The following ARHGEF28 variants were observed in gnomAD, a reference collection of about 807,000 sequenced individuals.
ARHGEF28 encodes 190 kDa guanine nucleotide exchange factor.
In ARHGEF28, 152 loss-of-function variants were observed where a neutral mutation model predicts 206.6. The ratio of observed to expected loss-of-function variants is 0.74; its 90% CI spans 0.64 to 0.84. ARHGEF28 has a LOEUF of 0.84. Ranked by LOEUF, ARHGEF28 falls within the 40% of genes least tolerant of loss-of-function variation. The pLI is 0.00. For missense variants in ARHGEF28, 2,028 were observed against 2,073.2 expected (o/e 0.98, Z 0.42); for synonymous variants, 763 against 776.4 (o/e 0.98, Z 0.29).
rs759526611 is a variant in ARHGEF28, at chr5:73,909,927, G to T, written c.4647+30G>T. The stretch of plus-strand genomic sequence containing the variant: ...GGACCTTCTGCGGTGCTGTGAGGCA[G>T]CCTCTCAAAGACAGGGGTGGGCCTG... On this transcript the variant is annotated intron_variant, in intron 34 of 35. Transcript: ENST00000513042. 9 of 1,481,200 alleles carry T rather than the reference G, an allele frequency of 6.1e-6. No individual in the cohort carries two copies. In the South Asian group the frequency reaches 1.3e-4, roughly 21 times the overall value. 91.8% of individuals were successfully genotyped at this position (1,481,200 alleles called of 1,614,324 possible). A position where few individuals can be genotyped will look rare whatever the true frequency, so the allele number is the denominator to read the frequency against.
intron 11 of ARHGEF28, 95 bp downstream of exon 11, chr5:73,840,855 A>G (rs1757947246): frequency 7.6e-7 from 1 of 1,324,254 alleles, no homozygotes; most frequent in East Asian, 2.5e-5. Context: ...TATTGTCTCT[A>G]CCACTTTTAT....
chr5:73,729,877 G>T (rs140424751), intron 2 of ARHGEF28, among the ~76,000 whole-genome samples: 276 of 152,298 alleles, frequency 1.8e-3, no homozygotes, highest in African/African-American at 6.5e-3. Flanking sequence ...CTTGAAATAA[G>T]AGCAAGGAGT....
At chr5:73,736,133 G>T (rs557254640) in intron 2 of ARHGEF28, among the ~76,000 whole-genome samples, 52 of 152,332 alleles carry the variant, frequency 3.4e-4, no homozygotes, top group African/African-American at 1.2e-3. Context: ...TCTAAAAGAG[G>T]TCATAATATT....
rs376781062 is a variant in ARHGEF28 at position 73,679,716 on chromosome 5, C to CT, written c.-11-5119dup. ...TCAAAAAAAGAAAAAGAAAGTATTA[C>CT]TTTTTTCTTGAAGGAACAGGCTAAT... On this transcript the variant is annotated intron_variant, in intron 1 of 35. Coordinates refer to ENST00000513042, the MANE Select transcript of ARHGEF28 (RefSeq NM_001177693.2). Among the ~76,000 whole-genome samples the CT allele has an allele frequency of 7.3e-4, 111 of 151,490 alleles. 1 individual carries two copies. The highest frequency in any genetic ancestry group is 2.4e-3 in the African/African-American group (97 of 41,260).
chr5:73,867,460 C>A (rs567084862), intron 18 of ARHGEF28, among the ~76,000 whole-genome samples: 1 of 152,186 alleles, frequency 6.6e-6, no homozygotes. Context: ...ATTCCATTGA[C>A]GTGTTCTCTG....
intron 2 of ARHGEF28, among the ~76,000 whole-genome samples, chr5:73,700,436 G>A (rs1748527116): frequency 6.6e-6 from 1 of 152,118 alleles, no homozygotes; most frequent in South Asian, 2.1e-4. Flanking sequence ...AAAAGAATTT[G>A]TGAGTCTAGC....
At chr5:73,856,311 G>A (rs1015852652) in intron 14 of ARHGEF28, among the ~76,000 whole-genome samples, 1 of 152,174 alleles carries the variant, frequency 6.6e-6, no homozygotes, top group African/African-American at 2.4e-5. Context: ...CATAGGGTAT[G>A]TTTAATTCTA....
chr5:73,899,646 A>T (rs1762154865), intron 30 of ARHGEF28: 1 of 152,236 alleles, frequency 6.6e-6, no homozygotes, highest in South Asian at 2.1e-4. Context: ...GTTCTAAATG[A>T]AGGTCTACAA....
intron 2 of ARHGEF28, among the ~76,000 whole-genome samples, chr5:73,737,492 C>CTTTTCTTTTCTTTTCTTTTCTTTTCTTT (rs1580546033): frequency 9.2e-6 from 1 of 108,674 alleles, no homozygotes; most frequent in Non-Finnish European, 1.8e-5. Flanking sequence ...CTTTTCTTTT[C>CTTTTCTTTTCTTTTCTTTTCTTTTCTTT]TTTTCTTTTC....
intron 2 of ARHGEF28, among the ~76,000 whole-genome samples, chr5:73,726,562 G>A (rs188116457): frequency 9.1e-4 from 139 of 152,320 alleles, no homozygotes; most frequent in Middle Eastern, 3.4e-3. Context: ...CGGTGCAAAA[G>A]TGTATCAATA....
chr5:73,849,199 G>A, intron 13 of ARHGEF28, 112 bp downstream of exon 13: 2 of 786,246 alleles, frequency 2.5e-6, no homozygotes, highest in Admixed American at 3.3e-5. Context: ...TTTCCATTCT[G>A]TTTTCATAAC....
chr5:73,666,476 A>G (rs1044235976), intron 1 of ARHGEF28, among the ~76,000 whole-genome samples: 2 of 152,160 alleles, frequency 1.3e-5, no homozygotes, highest in Non-Finnish European at 2.9e-5. Context: ...CATTCCTGTG[A>G]CAAGTCTCTG....
intron 2 of ARHGEF28, among the ~76,000 whole-genome samples, chr5:73,714,295 A>G (rs1749434879): frequency 6.6e-6 from 1 of 152,210 alleles, no homozygotes; most frequent in Admixed American, 6.5e-5. Flanking sequence ...TTTGAGTATT[A>G]AGATGTAGTG....
chr5:73,895,579 A>ACCAG (rs1347653139), intron 29 of ARHGEF28, among the ~76,000 whole-genome samples: 3 of 152,146 alleles, frequency 2.0e-5, no homozygotes, highest in African/African-American at 7.2e-5. Flanking sequence ...TGGGAGATAA[A>ACCAG]CCAGCCACCT....
chr5:73,905,844 A>T (rs1762520289), intron 33 of ARHGEF28, among the ~76,000 whole-genome samples: 1 of 152,232 alleles, frequency 6.6e-6, no homozygotes. Flanking sequence ...TGCCAAAATA[A>T]TCAAATCAAC....
chr5:73,865,911 A>G (rs1371955130), intron 17 of ARHGEF28, 54 bp from the exon 18 acceptor site: 1 of 1,257,460 alleles, frequency 8.0e-7, no homozygotes, highest in Non-Finnish European at 1.1e-6. Flanking sequence ...GGATATTCTT[A>G]TAGTCTAATG....
chr5:73,794,416 G>C lies in ARHGEF28; in HGVS notation c.925G>C (p.Val309Leu), dbSNP rs1443949714. Residue 309 changes from valine to leucine, a missense_variant, in exon 8 of 36, where the codon GTG becomes CTG. Coordinates refer to ENST00000513042, the MANE Select transcript of ARHGEF28 (RefSeq NM_001177693.2). ...AETEEEIKNS[V>L]SSRSAAEKED... ...TTCTTTTGCAGAGATTAAGAATTCA[G>C]TGTCCAGCAGATCAGCAGCTGAAAA... is the stretch of plus-strand genomic sequence containing the variant. The C allele has an allele frequency of 1.2e-6, 2 of 1,602,934 alleles. No homozygotes were observed. The highest frequency in any genetic ancestry group is 1.7e-6 in the Non-Finnish European group (2 of 1,174,036).
intron 2 of ARHGEF28, among the ~76,000 whole-genome samples, chr5:73,714,289 A>G (rs73762171): frequency 0.022 from 3,284 of 152,304 alleles, 124 homozygotes; most frequent in African/African-American, 0.075. Flanking sequence ...TCTAGCTTTG[A>G]GTATTAAGAT....
In ARHGEF28 at chr5:73,902,445, T is replaced by C. The variant is rs528870374; in HGVS notation, c.4074+1161T>C. 3 of 152,344 alleles carry C rather than the reference T, an allele frequency of 2.0e-5. No homozygotes were observed. The East Asian group carries it at 5.8e-4, about 29-fold the overall frequency. The allele number at this position is 152,344 out of a possible 1,614,324, so 9.4% of individuals were successfully genotyped here. On this transcript the variant is annotated intron_variant, in intron 31 of 35. Coordinates refer to ENST00000513042, the MANE Select transcript of ARHGEF28 (RefSeq NM_001177693.2). ...CTAAAGTCTCCCTCTTCCACTCCAA[T>C]TCAGCTACAGGTAGATAATTGAGGT...
Sources: gnomAD v4.1 joint callset for allele counts (sites outside exome capture counted in the v4.1 genomes callset) on GRCh38, gnomAD v4.1.1 for gene constraint, MANE v1.5 for transcripts, NCBI Gene and HGNC (gene_info 2026-07-23, HGNC 2026-07-21) for gene names.